Variants in PDE5A observed in about 807,000 individuals in gnomAD.
PDE5A encodes the protein phosphodiesterase 5A.
In PDE5A, 67 loss-of-function variants were observed where a neutral mutation model predicts 110.2. The observed-to-expected ratio is 0.61, with a 90% CI of 0.50 to 0.75. The LOEUF is 0.75. Ranked by LOEUF, PDE5A falls within the 30% of genes least tolerant of loss-of-function variation. The pLI is 0.00. For synonymous variants in PDE5A, 328 were observed against 351.2 expected (o/e 0.93, Z 0.74); for missense variants, 862 against 1,045.1 (o/e 0.82, Z 2.42).
intron 6 of PDE5A, among the ~76,000 whole-genome samples, chr4:119,560,993 C>G (rs766091802): frequency 6.6e-6 from 1 of 152,122 alleles, no homozygotes; most frequent in African/African-American, 2.4e-5. Flanking sequence ...TGTGGGCATG[C>G]CTCTGTCATC....
At chr4:119,603,883 A>G (rs1342990295) in intron 2 of PDE5A, among the ~76,000 whole-genome samples, 2 of 152,204 alleles carry the variant, frequency 1.3e-5, no homozygotes. Context: ...AAGAGCTAGG[A>G]CTCAGAAAAC....
intron 15 of PDE5A, among the ~76,000 whole-genome samples, chr4:119,508,891 T>TA (rs1439853124): frequency 6.6e-6 from 1 of 152,020 alleles, no homozygotes; most frequent in Non-Finnish European, 1.5e-5. Context: ...GCCATATAGA[T>TA]AATCAGATTC....
intron 11 of PDE5A, among the ~76,000 whole-genome samples, chr4:119,536,976 C>T (rs932132803): frequency 3.3e-5 from 5 of 152,114 alleles, no homozygotes; most frequent in African/African-American, 7.2e-5. Context: ...AAAACACGCT[C>T]GGTATACAGG....
At chr4:119,612,968 C>T (rs148969404) in intron 1 of PDE5A, among the ~76,000 whole-genome samples, 1 of 152,234 alleles carries the variant, frequency 6.6e-6, no homozygotes, top group East Asian at 1.9e-4. Context: ...ATTGAAGAAA[C>T]AATCAATAAG....
intron 9 of PDE5A, chr4:119,549,668 T>A (rs765502135): frequency 1.2e-4 from 18 of 152,126 alleles, no homozygotes; most frequent in Non-Finnish European, 2.4e-4. Flanking sequence ...CTGGTAAATA[T>A]AATATTGGAA....
intron 3 of PDE5A, among the ~76,000 whole-genome samples, chr4:119,584,932 C>T (rs1387121387): frequency 6.6e-6 from 1 of 152,162 alleles, no homozygotes; most frequent in Non-Finnish European, 1.5e-5. Flanking sequence ...ACTTATATTA[C>T]GTGCAAACAG....
intron 3 of PDE5A, among the ~76,000 whole-genome samples, chr4:119,588,694 A>G (rs1728860650): frequency 6.6e-6 from 1 of 152,218 alleles, no homozygotes; most frequent in South Asian, 2.1e-4. Context: ...TTGGAATTAC[A>G]TATCTGATTT....
intron 15 of PDE5A, among the ~76,000 whole-genome samples, chr4:119,510,842 A>G (rs1300838715): frequency 6.6e-6 from 1 of 152,100 alleles, no homozygotes; most frequent in Non-Finnish European, 1.5e-5. Flanking sequence ...AATTTCCCTT[A>G]TTGGGCAACA....
At chr4:119,530,536 A>G (rs1726493076) in intron 11 of PDE5A, among the ~76,000 whole-genome samples, 1 of 152,138 alleles carries the variant, frequency 6.6e-6, no homozygotes. Context: ...TTCACTCTAG[A>G]ATATGTTTCT....
At position 119,560,373 on chromosome 4, in the gene PDE5A, G is replaced by A; in HGVS notation, c.1132-10C>T. 4 of 1,567,182 alleles carry A rather than the reference G, an allele frequency of 2.6e-6. No individual in the cohort carries two copies. Among genetic ancestry groups the A allele is most frequent in the Non-Finnish European group, 3.5e-6 (4 of 1,151,860 alleles). ...CACTAGAAAAAGAATCCTAAAAACA[G>A]ACAACACAGGCTGAGAAATAAGTTT... On this transcript the variant is annotated splice_polypyrimidine_tract_variant and intron_variant, in intron 6 of 20. Transcript: ENST00000354960.
At chr4:119,522,142 A>G (rs1726150640) in intron 12 of PDE5A, among the ~76,000 whole-genome samples, 1 of 152,072 alleles carries the variant, frequency 6.6e-6, no homozygotes, top group Admixed American at 6.6e-5. Flanking sequence ...ATGCTTCCAT[A>G]TCCTCCCTTT....
intron 1 of PDE5A, among the ~76,000 whole-genome samples, chr4:119,624,404 A>T (rs1219121372): frequency 6.6e-6 from 1 of 152,226 alleles, no homozygotes; most frequent in Non-Finnish European, 1.5e-5. Context: ...GAGAAGAATT[A>T]CAAGGAAAAA....
intron 1 of PDE5A, among the ~76,000 whole-genome samples, chr4:119,620,884 T>C (rs1039223573): frequency 6.6e-6 from 1 of 152,208 alleles, no homozygotes; most frequent in African/African-American, 2.4e-5. Context: ...AGGAATAAGT[T>C]TCATGATTGT....
chr4:119,542,680 T>C (rs200669876), intron 9 of PDE5A, 46 bp from the exon 10 acceptor site: 52 of 1,563,218 alleles, frequency 3.3e-5, no homozygotes, highest in Non-Finnish European at 4.2e-5. Context: ...TTGATTATCA[T>C]AGTTTTTGTG....
At chr4:119,502,887 T>A (rs919014337) in intron 18 of PDE5A, among the ~76,000 whole-genome samples, 4 of 151,794 alleles carry the variant, frequency 2.6e-5, no homozygotes, top group South Asian at 2.1e-4. Context: ...TTCCAACATT[T>A]TTCCCTTTTA....
chr4:119,565,156 A>AAGC, intron 5 of PDE5A, among the ~76,000 whole-genome samples, 165 bp downstream of exon 5: 1 of 152,296 alleles, frequency 6.6e-6, no homozygotes, highest in South Asian at 2.1e-4. Context: ...ATAAACAACT[A>AAGC]AGCATGGAAA....
At position 119,495,305 on chromosome 4, in the gene PDE5A, G is replaced by C. The variant is rs1725021629; in HGVS notation, c.*3296C>G. ...CAGCAGAGCACGGTACCTAACATGT[G>C]GCAGGACTCAATAAAAGGTGGGTCA... On this transcript the variant is annotated 3_prime_UTR_variant, in exon 21 of 21. Transcript: ENST00000354960. 1 of 152,046 alleles carries C rather than the reference G, an allele frequency of 6.6e-6. No homozygotes were observed. The highest frequency in any genetic ancestry group is 1.5e-5 in the Non-Finnish European group (1 of 68,016). 9.4% of individuals were successfully genotyped at this position (152,046 alleles called of 1,614,324 possible).
chr4:119,511,652 G>T (rs866370941), intron 14 of PDE5A, among the ~76,000 whole-genome samples: 1 of 152,046 alleles, frequency 6.6e-6, no homozygotes, highest in Admixed American at 6.6e-5. Context: ...AGAAAAAGAG[G>T]GATAGTCAGT....
chr4:119,545,569 A>T (rs1690591375), intron 9 of PDE5A, among the ~76,000 whole-genome samples: 1 of 152,238 alleles, frequency 6.6e-6, no homozygotes, highest in African/African-American at 2.4e-5. Flanking sequence ...ACCTAATATT[A>T]TTATAGAGTT....
Sources: gnomAD v4.1 joint callset for allele counts (sites outside exome capture counted in the v4.1 genomes callset) on GRCh38, gnomAD v4.1.1 for gene constraint, MANE v1.5 for transcripts, NCBI Gene and HGNC (gene_info 2026-07-23, HGNC 2026-07-21) for gene names.